SLX4IP: variants seen among roughly 807,000 people sequenced by gnomAD.
SLX4IP encodes the protein protein SLX4IP.
In SLX4IP, 34 loss-of-function variants were observed where a neutral mutation model predicts 32.9. That is an observed-to-expected ratio of 1.03 (90% confidence interval 0.79 to 1.38). SLX4IP has a LOEUF of 1.38. Ranked by LOEUF, SLX4IP falls within the 40% of genes most tolerant of loss-of-function variation. The pLI, the probability that SLX4IP is intolerant of heterozygous loss-of-function variation, is 0.00. For synonymous variants in SLX4IP, 172 were observed against 171.7 expected (o/e 1.00, Z -0.01); for missense variants, 444 against 479.0 (o/e 0.93, Z 0.68).
At chr20:10,526,279 A>G (rs1390244356) in intron 2 of SLX4IP, among the ~76,000 whole-genome samples, 3 of 152,224 alleles carry the variant, frequency 2.0e-5, no homozygotes, top group African/African-American at 7.2e-5. Flanking sequence ...CACTCTGGAA[A>G]TCATGCTCTT....
At chr20:10,606,755 A>C (rs946322569) in intron 6 of SLX4IP, among the ~76,000 whole-genome samples, 1 of 152,244 alleles carries the variant, frequency 6.6e-6, no homozygotes, top group East Asian at 1.9e-4. Context: ...GTATCTCTTC[A>C]TACATCATAC....
intron 2 of SLX4IP, among the ~76,000 whole-genome samples, chr20:10,509,067 C>T (rs896805908): frequency 2.6e-5 from 4 of 152,150 alleles, no homozygotes; most frequent in African/African-American, 9.7e-5. Context: ...ATGGGTTAAT[C>T]TCCCTCCTCC....
At position 10,556,332 on chromosome 20, in the gene SLX4IP, C is replaced by T; in HGVS notation, c.117+12C>T. On this transcript the variant is annotated intron_variant, in intron 3 of 7. Coordinates refer to ENST00000334534, the MANE Select transcript of SLX4IP (RefSeq NM_001009608.3). ...AACAGAAGAAAGAGGTACAACAAAA[C>T]TTTCTACTATTTAATTGCAAGTAGC... The T allele has an allele frequency of 6.2e-7, 1 of 1,609,896 alleles. No individual in the cohort carries two copies. Among genetic ancestry groups the T allele is most frequent in the South Asian group, 1.1e-5 (1 of 89,968 alleles).
intron 2 of SLX4IP, among the ~76,000 whole-genome samples, chr20:10,504,187 G>A (rs2122418127): frequency 6.6e-6 from 1 of 152,264 alleles, no homozygotes; most frequent in South Asian, 2.1e-4. Context: ...CTCACTGACT[G>A]GCTTGTCTTA....
intron 1 of SLX4IP, among the ~76,000 whole-genome samples, chr20:10,447,862 G>A (rs901566720): frequency 1.4e-5 from 2 of 138,838 alleles, no homozygotes; most frequent in African/African-American, 5.1e-5. Context: ...TCCACACCTG[G>A]CTGATTTTTT....
intron 2 of SLX4IP, among the ~76,000 whole-genome samples, chr20:10,530,723 T>A (rs1340691316): frequency 1.3e-5 from 2 of 152,166 alleles, no homozygotes; most frequent in East Asian, 1.9e-4. Flanking sequence ...GCTTTAAAAA[T>A]TGATTTGATT....
intron 2 of SLX4IP, among the ~76,000 whole-genome samples, chr20:10,490,928 A>G (rs1183750102): frequency 6.6e-6 from 1 of 152,058 alleles, no homozygotes. Flanking sequence ...CATGCCTCAC[A>G]CCCTCACAGG....
chr20:10,439,718 A>G (rs188910778), intron 1 of SLX4IP, among the ~76,000 whole-genome samples: 26 of 152,364 alleles, frequency 1.7e-4, no homozygotes, highest in African/African-American at 5.8e-4. Context: ...AGTTCTTGAC[A>G]TGTACATGTC....
chr20:10,561,204 C>T (rs6133969), intron 4 of SLX4IP, among the ~76,000 whole-genome samples: 3 of 152,058 alleles, frequency 2.0e-5, no homozygotes, highest in African/African-American at 7.2e-5. Context: ...TATCTATCAC[C>T]TGAGCATTTA....
intron 2 of SLX4IP, among the ~76,000 whole-genome samples, chr20:10,516,573 A>T (rs1397994116): frequency 6.6e-6 from 1 of 152,220 alleles, no homozygotes; most frequent in Admixed American, 6.5e-5. Flanking sequence ...CTGTTCTGAG[A>T]TGTTTTGTAA....
At chr20:10,553,962 T>C (rs2066243377) in intron 2 of SLX4IP, among the ~76,000 whole-genome samples, 1 of 152,186 alleles carries the variant, frequency 6.6e-6, no homozygotes, top group African/African-American at 2.4e-5. Context: ...TGCCAACAAG[T>C]ATGAGTGCAT....
At chr20:10,547,507 A>T (rs1422148217) in intron 2 of SLX4IP, among the ~76,000 whole-genome samples, 1 of 152,202 alleles carries the variant, frequency 6.6e-6, no homozygotes, top group African/African-American at 2.4e-5. Flanking sequence ...TTAAAGAACT[A>T]GTCATCCATT....
intron 1 of SLX4IP, among the ~76,000 whole-genome samples, chr20:10,449,946 TAAAAGTA>T (rs2065228533): frequency 6.8e-6 from 1 of 147,280 alleles, no homozygotes; most frequent in Non-Finnish European, 1.5e-5. Flanking sequence ...GTTTTATTGA[TAAAAGTA>T]AAAAAAAAAA....
chr20:10,452,273 A>G (rs2065247482), intron 1 of SLX4IP, among the ~76,000 whole-genome samples: 1 of 149,884 alleles, frequency 6.7e-6, no homozygotes, highest in South Asian at 2.1e-4. Context: ...GCTCCCACGT[A>G]TAATCCCAGC....
At chr20:10,466,400 A>G (rs527883955) in intron 2 of SLX4IP, among the ~76,000 whole-genome samples, 1 of 152,312 alleles carries the variant, frequency 6.6e-6, no homozygotes, top group East Asian at 1.9e-4. Flanking sequence ...GTATTATACT[A>G]AAGTCTAGAA....
At chr20:10,538,164 GGCTGA>G (rs941379687) in intron 2 of SLX4IP, among the ~76,000 whole-genome samples, 5 of 152,248 alleles carry the variant, frequency 3.3e-5, no homozygotes, top group South Asian at 2.1e-4. Flanking sequence ...CACACTCTTT[GGCTGA>G]GCATTTTGTA....
chr20:10,473,672 G>A (rs964646604), intron 2 of SLX4IP, among the ~76,000 whole-genome samples: 56 of 151,606 alleles, frequency 3.7e-4, no homozygotes, highest in Admixed American at 3.0e-3. Context: ...GTGTAATCAC[G>A]GCTCACTGCA....
intron 4 of SLX4IP, among the ~76,000 whole-genome samples, chr20:10,589,674 T>C (rs6032903): frequency 6.6e-6 from 1 of 152,202 alleles, no homozygotes; most frequent in Non-Finnish European, 1.5e-5. Flanking sequence ...AATGGTATCA[T>C]ACACAAAGTC....
intron 2 of SLX4IP, among the ~76,000 whole-genome samples, chr20:10,504,740 T>C (rs2065744538): frequency 1.3e-5 from 2 of 152,104 alleles, no homozygotes; most frequent in African/African-American, 2.4e-5. Flanking sequence ...AGGAAGGCCA[T>C]GTTAAATGGC....
Sources: allele counts gnomAD v4.1 joint callset (sites outside exome capture counted in the v4.1 genomes callset), GRCh38; gene constraint gnomAD v4.1.1; transcripts MANE v1.5; gene names NCBI Gene and HGNC (gene_info 2026-07-23, HGNC 2026-07-21).